The following CATSPERB variants were observed in gnomAD, a reference collection of about 807,000 sequenced individuals.
The protein encoded by CATSPERB is cation channel sperm-associated auxiliary subunit beta.
Under a neutral mutation model 128.3 loss-of-function variants are expected in CATSPERB, and 93 were observed. The observed-to-expected ratio is 0.72, with a 90% CI of 0.61 to 0.86. CATSPERB has a LOEUF of 0.86. CATSPERB is among the 40% of genes least tolerant of loss of function. CATSPERB has a pLI of 0.00. For synonymous variants in CATSPERB, 381 were observed against 448.8 expected (o/e 0.85, Z 1.91); for missense variants, 1,153 against 1,329.5 (o/e 0.87, Z 2.06).
chr14:91,688,899 G>T (rs947144247), intron 10 of CATSPERB, among the ~76,000 whole-genome samples: 1 of 152,134 alleles, frequency 6.6e-6, no homozygotes, highest in African/African-American at 2.4e-5. Flanking sequence ...TCGTTCAATT[G>T]TTGCCTTATC....
intron 10 of CATSPERB, among the ~76,000 whole-genome samples, chr14:91,684,816 C>T (rs1033571268): frequency 1.3e-5 from 2 of 151,820 alleles, no homozygotes; most frequent in Non-Finnish European, 2.9e-5. Flanking sequence ...AAGGTTTCAC[C>T]ATGTTGGCCA....
chr14:91,585,805 T>C (rs1893287001), intron 26 of CATSPERB, among the ~76,000 whole-genome samples: 1 of 152,226 alleles, frequency 6.6e-6, no homozygotes, highest in African/African-American at 2.4e-5. Context: ...CTGGTAAATA[T>C]GGTGAATAAT....
At chr14:91,589,479 C>A in intron 24 of CATSPERB, 55 bp downstream of exon 24, 1 of 1,529,818 alleles carries the variant, frequency 6.5e-7, no homozygotes, top group Non-Finnish European at 8.9e-7. Context: ...TCTTTGTAAA[C>A]CAGTAACAAT....
At position 91,669,913 on chromosome 14, in the gene CATSPERB, T is replaced by C; in HGVS notation, c.1188A>G (p.Gln396=). ...GAAACCGAAAAATTGGAAATTTTGA[T>C]TGTGAATTTGGTTCATTATTTCTCA... ...STLRNNEPNS[Q]SKFPIFRFPS... The change falls in exon 14 of 27, where the codon CAA becomes CAG. Residue 396 remains glutamine, a synonymous_variant. Transcript: ENST00000256343. The C allele has an allele frequency of 6.2e-7, 1 of 1,613,488 alleles. No homozygotes were observed. The highest frequency in any genetic ancestry group is 8.5e-7 in the Non-Finnish European group (1 of 1,179,836).
rs902174087 is a variant in CATSPERB, at chr14:91,587,925, C to T, written c.3057+53G>A. The T allele has an allele frequency of 4.5e-6, 5 of 1,105,142 alleles. No homozygotes were observed. In the African/African-American group the frequency reaches 7.8e-5, roughly 17 times the overall value. The allele number at this position is 1,105,142 out of a possible 1,614,324, so 68.5% of individuals were successfully genotyped here. On this transcript the variant is annotated intron_variant, in intron 25 of 26. Transcript: ENST00000256343. ...GAATTAAAACCAATCTTAGTTTAGA[C>T]ATACATGTTTTATCTAAACTCAACA...
intron 22 of CATSPERB, among the ~76,000 whole-genome samples, chr14:91,600,208 G>A (rs1170959944): frequency 6.6e-6 from 1 of 152,112 alleles, no homozygotes; most frequent in East Asian, 1.9e-4. Context: ...CATAACAGCT[G>A]CACCATTTTG....
At chr14:91,709,562 G>A (rs1416341941) in intron 5 of CATSPERB, among the ~76,000 whole-genome samples, 1 of 147,094 alleles carries the variant, frequency 6.8e-6, no homozygotes, top group African/African-American at 2.5e-5. Flanking sequence ...TGTGGTGGCA[G>A]GCATCTGTAG....
chr14:91,693,353 C>T lies in CATSPERB; in HGVS notation c.712+31G>A, dbSNP rs183059485. 13,289 of 1,582,526 alleles carry T rather than the reference C, an allele frequency of 8.4e-3. 71 individuals are homozygous for T. The highest frequency in any genetic ancestry group is 0.01 in the Non-Finnish European group (11,873 of 1,152,876). Reference sequence around the variant, plus strand: ...ATCAAATATTGATGTAAGTAAAATGCTCAAGATGAAGGCAATGTTAGAGGA... The same window carrying T: ...ATCAAATATTGATGTAAGTAAAATGTTCAAGATGAAGGCAATGTTAGAGGA... On this transcript the variant is annotated intron_variant, in intron 8 of 26. Coordinates refer to ENST00000256343, the MANE Select transcript of CATSPERB (RefSeq NM_024764.4).
At chr14:91,653,096 A>T (rs1318434403) in intron 15 of CATSPERB, among the ~76,000 whole-genome samples, 1 of 152,190 alleles carries the variant, frequency 6.6e-6, no homozygotes, top group Non-Finnish European at 1.5e-5. Flanking sequence ...GGCCTGCAAA[A>T]CCATGCTTTT....
intron 26 of CATSPERB, among the ~76,000 whole-genome samples, chr14:91,585,418 G>GT (rs1162689811): frequency 6.6e-6 from 1 of 151,962 alleles, no homozygotes; most frequent in Non-Finnish European, 1.5e-5. Context: ...TTTTCTTCAG[G>GT]TTGGGTTTCC....
intron 5 of CATSPERB, among the ~76,000 whole-genome samples, chr14:91,715,602 C>A (rs932705108): frequency 2.7e-5 from 4 of 145,812 alleles, no homozygotes; most frequent in African/African-American, 7.5e-5. Context: ...CTAAACTGAT[C>A]TATAGATTCA....
rs376731045 is a variant in CATSPERB at position 91,713,593 on chromosome 14, A to C, written c.371-5357T>G. Among the ~76,000 whole-genome samples the C allele has an allele frequency of 2.4e-4, 36 of 152,334 alleles. No individual in the cohort carries two copies. In the East Asian group the frequency reaches 2.7e-3, roughly 11 times the overall value. Reference sequence around the variant, plus strand: ...TTAGATGAAATGGACATTTTCTTTGAAAGACACAAACTGTCAAAGCTCACT... The same window carrying C: ...TTAGATGAAATGGACATTTTCTTTGCAAGACACAAACTGTCAAAGCTCACT... On this transcript the variant is annotated intron_variant, in intron 5 of 26. Transcript: ENST00000256343.
chr14:91,719,579 C>T lies in CATSPERB; in HGVS notation c.310-101G>A, dbSNP rs1895995855. The T allele has an allele frequency of 1.5e-5, 12 of 794,886 alleles. No homozygotes were observed. The South Asian group carries it at 2.2e-4, about 15-fold the overall frequency. 49.2% of individuals were successfully genotyped at this position (794,886 alleles called of 1,614,324 possible). ...TAAAAGAGAATTAAACAAAAACATC[C>T]AATGCATATACCTTTTACCTAGAAA... On this transcript the variant is annotated intron_variant, in intron 4 of 26. Transcript: ENST00000256343.
chr14:91,718,527 G>A (rs902976964), intron 5 of CATSPERB, among the ~76,000 whole-genome samples: 2 of 152,114 alleles, frequency 1.3e-5, no homozygotes, highest in Non-Finnish European at 2.9e-5. Context: ...GTGGATGCTG[G>A]ATCAACAATG....
chr14:91,692,274 C>G (rs929252249), intron 9 of CATSPERB, among the ~76,000 whole-genome samples: 1 of 151,962 alleles, frequency 6.6e-6, no homozygotes, highest in East Asian at 1.9e-4. Flanking sequence ...TTATTTTCTC[C>G]TTTGCCACTC....
At chr14:91,712,615 A>G (rs1273082127) in intron 5 of CATSPERB, among the ~76,000 whole-genome samples, 2 of 152,230 alleles carry the variant, frequency 1.3e-5, no homozygotes, top group Non-Finnish European at 2.9e-5. Context: ...ATTTGTTTGT[A>G]TGATTATCGT....
chr14:91,619,556 A>ATTTT lies in CATSPERB; in HGVS notation c.2261-1821_2261-1820insAAAA, dbSNP rs1566706237. Among the ~76,000 whole-genome samples, 418 of 54,930 alleles carry ATTTT rather than the reference A, an allele frequency of 7.6e-3. 1 individual carries two copies. The highest frequency in any genetic ancestry group is 0.014 in the Middle Eastern group (1 of 70). The allele number at this position is 54,930 out of a possible 152,430, so 36.0% of individuals were successfully genotyped here. On this transcript the variant is annotated intron_variant, in intron 19 of 26. Coordinates refer to ENST00000256343, the MANE Select transcript of CATSPERB (RefSeq NM_024764.4). ...TTTTTCAAATAAGCCTTTTTTTTAA[A>ATTTT]AAAAAAATAGCATTTTGTCCTTTCA...
chr14:91,691,632 T>C, intron 9 of CATSPERB, 77 bp from the exon 10 acceptor site: 1 of 1,067,506 alleles, frequency 9.4e-7, no homozygotes, highest in Non-Finnish European at 1.4e-6. Context: ...TAAATTATAC[T>C]AAAGGAAATA....
chr14:91,685,655 G>C (rs1895361368), intron 10 of CATSPERB, among the ~76,000 whole-genome samples: 1 of 152,184 alleles, frequency 6.6e-6, no homozygotes, highest in African/African-American at 2.4e-5. Flanking sequence ...GAGCACCTTG[G>C]TGGTCAGGGA....
Sources: allele counts gnomAD v4.1 joint callset (sites outside exome capture counted in the v4.1 genomes callset), GRCh38; gene constraint gnomAD v4.1.1; transcripts MANE v1.5; gene names NCBI Gene and HGNC (gene_info 2026-07-23, HGNC 2026-07-21).